SGCZ: variants seen among roughly 807,000 people sequenced by gnomAD.
SGCZ encodes the protein zeta-sarcoglycan.
A neutral mutation model predicts 41.3 loss-of-function variants in SGCZ; 40 were observed. That is an observed-to-expected ratio of 0.97 (90% CI 0.75 to 1.26). The LOEUF is 1.26. SGCZ is among the 50% of genes most tolerant of loss of function. SGCZ has a pLI of 0.00. For missense variants in SGCZ, 552 were observed against 369.8 expected, an observed-to-expected ratio of 1.49 and a Z score of -4.04; for synonymous variants, 206 against 137.5, an observed-to-expected ratio of 1.50 and a Z score of -3.49.
chr8:15,124,872 G>T (rs1414018616), intron 1 of SGCZ, among the ~76,000 whole-genome samples: 1 of 151,738 alleles, frequency 6.6e-6, no homozygotes, highest in Non-Finnish European at 1.5e-5. Context: ...TTACATGAAA[G>T]ATCCAAAAAT....
At chr8:14,456,028 G>C (rs962425951) in intron 2 of SGCZ, among the ~76,000 whole-genome samples, 9 of 152,116 alleles carry the variant, frequency 5.9e-5, no homozygotes, top group African/African-American at 2.2e-4. Context: ...AGGCCATTTT[G>C]GGGGGAAGGT....
chr8:14,417,935 C>A (rs11776823), intron 2 of SGCZ, among the ~76,000 whole-genome samples: 106,758 of 151,682 alleles, frequency 0.7, 37,747 homozygotes, highest in East Asian at 0.83. Context: ...CAGAGATTCA[C>A]ATATTTTTAT....
At chr8:15,021,167 T>C (rs1050779080) in intron 1 of SGCZ, among the ~76,000 whole-genome samples, 3 of 152,366 alleles carry the variant, frequency 2.0e-5, no homozygotes, top group African/African-American at 7.2e-5. Flanking sequence ...GCTAAAATGC[T>C]GCTGCACCTG....
chr8:14,995,440 G>C (rs553473263), intron 1 of SGCZ, among the ~76,000 whole-genome samples: 2 of 152,276 alleles, frequency 1.3e-5, no homozygotes, highest in South Asian at 4.1e-4. Context: ...ATGGTTGCAG[G>C]TTTCTATTTC....
chr8:15,072,219 C>T (rs1283358764), intron 1 of SGCZ, among the ~76,000 whole-genome samples: 1 of 152,148 alleles, frequency 6.6e-6, no homozygotes, highest in Non-Finnish European at 1.5e-5. Context: ...GATCTATAGA[C>T]TGGCCACCTA....
intron 1 of SGCZ, among the ~76,000 whole-genome samples, chr8:14,827,429 G>T (rs1031259616): frequency 2.2e-4 from 34 of 151,978 alleles, no homozygotes; most frequent in Non-Finnish European, 2.4e-4. Flanking sequence ...TAGAGACAGG[G>T]TTTCTTCATG....
intron 1 of SGCZ, among the ~76,000 whole-genome samples, chr8:14,756,643 G>GT (rs752869212): frequency 6.6e-6 from 1 of 152,062 alleles, no homozygotes; most frequent in East Asian, 1.9e-4. Flanking sequence ...TAATTCATTT[G>GT]TTTTTTTGTT....
intron 1 of SGCZ, among the ~76,000 whole-genome samples, chr8:14,668,319 A>T (rs770207868): frequency 2.1e-4 from 32 of 152,144 alleles, no homozygotes; most frequent in Non-Finnish European, 3.8e-4. Flanking sequence ...TGTGGTGATT[A>T]TATCCCACAC....
chr8:15,031,132 C>T (rs1362162505), intron 1 of SGCZ, among the ~76,000 whole-genome samples: 1 of 151,988 alleles, frequency 6.6e-6, no homozygotes, highest in Non-Finnish European at 1.5e-5. Context: ...AACCAATCTG[C>T]ATTGAGGTAG....
chr8:14,761,928 T>A (rs1414226524), intron 1 of SGCZ, among the ~76,000 whole-genome samples: 9 of 152,126 alleles, frequency 5.9e-5, no homozygotes, highest in Admixed American at 5.9e-4. Flanking sequence ...CCTTTCCAAG[T>A]GCGTAGAGTC....
At chr8:14,460,145 T>C (rs551509267) in intron 2 of SGCZ, among the ~76,000 whole-genome samples, 5 of 152,218 alleles carry the variant, frequency 3.3e-5, no homozygotes, top group Non-Finnish European at 7.3e-5. Flanking sequence ...GTGAAGTGTA[T>C]ACATGAATTC....
chr8:14,568,317 TGC>T (rs1804443012), intron 1 of SGCZ, among the ~76,000 whole-genome samples: 1 of 151,288 alleles, frequency 6.6e-6, no homozygotes, highest in Non-Finnish European at 1.5e-5. Context: ...GGTTGATAGG[TGC>T]AGCAAACCAC....
At chr8:14,722,774 G>A (rs1285638150) in intron 1 of SGCZ, among the ~76,000 whole-genome samples, 1 of 152,042 alleles carries the variant, frequency 6.6e-6, no homozygotes, top group Non-Finnish European at 1.5e-5. Context: ...AGAGGGAGGG[G>A]CAAGCAAAAT....
rs1803831543 is a variant in SGCZ, at chr8:14,551,510, T to A, written c.234+3222A>T. Among the ~76,000 whole-genome samples, 4 of 8,110 alleles carry A rather than the reference T, an allele frequency of 4.9e-4. 2 individuals carry two copies. Among genetic ancestry groups the A allele is most frequent in the Non-Finnish European group, 8.1e-4 (4 of 4,930 alleles). 5.3% of individuals were successfully genotyped at this position (8,110 alleles called of 152,430 possible). A position where few individuals can be genotyped will look rare whatever the true frequency, so the allele number is the denominator to read the frequency against. On this transcript the variant is annotated intron_variant, in intron 2 of 7. Transcript: ENST00000382080. ...TATATTATATATATTATATATATTA[T>A]ATATATTATATATAATATATATAAT...
chr8:14,123,700 C>A (rs1024547316), intron 5 of SGCZ, among the ~76,000 whole-genome samples: 1 of 152,138 alleles, frequency 6.6e-6, no homozygotes, highest in Admixed American at 6.5e-5. Flanking sequence ...TGAAACAGAT[C>A]AATTATCAAT....
intron 1 of SGCZ, among the ~76,000 whole-genome samples, chr8:14,622,119 C>T (rs1044196689): frequency 1.3e-5 from 2 of 152,062 alleles, no homozygotes; most frequent in African/African-American, 4.8e-5. Flanking sequence ...CAAGATTCAG[C>T]CCTCCAATGA....
intron 6 of SGCZ, among the ~76,000 whole-genome samples, chr8:14,103,644 C>T (rs574110635): frequency 7.3e-6 from 1 of 137,254 alleles, no homozygotes; most frequent in East Asian, 4.4e-4. Context: ...TTCAACACTT[C>T]CATTTTCTTT....
intron 3 of SGCZ, among the ~76,000 whole-genome samples, chr8:14,320,669 G>A (rs374019770): frequency 1.3e-3 from 198 of 152,064 alleles, no homozygotes; most frequent in African/African-American, 4.0e-3. Flanking sequence ...CTGCTAACAC[G>A]GGCATCCTGA....
At chr8:14,501,452 G>A (rs994476467) in intron 2 of SGCZ, among the ~76,000 whole-genome samples, 1 of 151,796 alleles carries the variant, frequency 6.6e-6, no homozygotes, top group African/African-American at 2.4e-5. Context: ...CTTTATTTAT[G>A]CCTACAAATT....
Sources: gnomAD v4.1 joint callset for allele counts (sites outside exome capture counted in the v4.1 genomes callset) on GRCh38, gnomAD v4.1.1 for gene constraint, MANE v1.5 for transcripts, NCBI Gene and HGNC (gene_info 2026-07-23, HGNC 2026-07-21) for gene names.